CHST9: variants seen among roughly 807,000 people sequenced by gnomAD.
The protein encoded by CHST9 is GalNAc-4-sulfotransferase 2.
In CHST9, 41 loss-of-function variants were observed where a neutral mutation model predicts 44.4. The ratio of observed to expected loss-of-function variants is 0.92; its 90% CI spans 0.72 to 1.20. CHST9 has a LOEUF of 1.20. Among genes scored for constraint, CHST9 ranks in the 50% most tolerant of loss-of-function variants. CHST9 has a pLI of 0.00. For synonymous variants in CHST9, 171 were observed against 178.4 expected, an observed-to-expected ratio of 0.96 and a Z score of 0.33; for missense variants, 504 against 516.5, an observed-to-expected ratio of 0.98 and a Z score of 0.23.
chr18:27,086,761 G>A (rs1328397867), intron 2 of CHST9, among the ~76,000 whole-genome samples: 1 of 152,062 alleles, frequency 6.6e-6, no homozygotes, highest in East Asian at 1.9e-4. Flanking sequence ...TGGAGAAAGT[G>A]AGTATACTAT....
intron 3 of CHST9, among the ~76,000 whole-genome samples, chr18:27,043,618 C>T (rs1431344958): frequency 6.6e-6 from 1 of 151,956 alleles, no homozygotes; most frequent in African/African-American, 2.4e-5. Context: ...GTAAAGACAC[C>T]TCAGACCTTC....
rs754353567 is a variant in CHST9, at chr18:26,915,246, A to G, written c.*1013T>C. 1.3e-4 allele frequency: 45 copies of G among 338,994 alleles called. No homozygotes were observed. Among genetic ancestry groups the G allele is most frequent in the Non-Finnish European group, 2.2e-4 (41 of 190,164 alleles). 21.0% of individuals were successfully genotyped at this position (338,994 alleles called of 1,614,324 possible). Reference sequence around the variant, plus strand: ...ACATAACCTATCTTTGAAGTGGTATATTAGTTTTTAAAAAGTCATTCCTAA... The same window carrying G: ...ACATAACCTATCTTTGAAGTGGTATGTTAGTTTTTAAAAAGTCATTCCTAA... On this transcript the variant is annotated 3_prime_UTR_variant, in exon 6 of 6. Coordinates refer to ENST00000618847, the MANE Select transcript of CHST9 (RefSeq NM_031422.6).
chr18:27,063,970 C>A (rs1400657211), intron 2 of CHST9, among the ~76,000 whole-genome samples: 7 of 151,944 alleles, frequency 4.6e-5, no homozygotes, highest in Admixed American at 4.6e-4. Context: ...AAGCCAATCC[C>A]AAATGTGCAC....
At chr18:26,969,368 C>CTGTGTGTGTGTGTGTGTGTG (rs1435153900) in intron 4 of CHST9, among the ~76,000 whole-genome samples, 9 of 94,016 alleles carry the variant, frequency 9.6e-5, no homozygotes, top group Admixed American at 5.0e-4. Context: ...GATTCTCTCT[C>CTGTGTGTGTGTGTGTGTGTG]TCTCTCTCTG....
At chr18:27,040,135 A>C (rs2057429453) in intron 3 of CHST9, among the ~76,000 whole-genome samples, 1 of 152,160 alleles carries the variant, frequency 6.6e-6, no homozygotes, top group South Asian at 2.1e-4. Flanking sequence ...AAGGTGTGTA[A>C]GGAAATGAAG....
chr18:27,056,213 G>A (rs1458134956), intron 2 of CHST9, among the ~76,000 whole-genome samples: 1 of 151,996 alleles, frequency 6.6e-6, no homozygotes, highest in African/African-American at 2.4e-5. Context: ...TATTTATTTA[G>A]TACCTACTAT....
At chr18:26,993,573 T>C (rs942110287) in intron 4 of CHST9, among the ~76,000 whole-genome samples, 1 of 151,960 alleles carries the variant, frequency 6.6e-6, no homozygotes, top group Non-Finnish European at 1.5e-5. Context: ...TTAAGATAAA[T>C]GAGGAAACAA....
intron 4 of CHST9, among the ~76,000 whole-genome samples, chr18:26,955,753 G>A (rs1216704378): frequency 2.0e-5 from 3 of 152,096 alleles, no homozygotes. Flanking sequence ...TGCTTTGGAG[G>A]GACTTGGGTA....
At chr18:27,183,072 C>T (rs76682992) in intron 1 of CHST9, among the ~76,000 whole-genome samples, 2 of 151,460 alleles carry the variant, frequency 1.3e-5, no homozygotes, top group African/African-American at 4.9e-5. Flanking sequence ...TCAGGAGGGC[C>T]CTGCAGCTGC....
At chr18:26,985,020 G>T (rs974756934) in intron 4 of CHST9, among the ~76,000 whole-genome samples, 4 of 152,138 alleles carry the variant, frequency 2.6e-5, no homozygotes, top group Non-Finnish European at 4.4e-5. Flanking sequence ...ACCAGAAAGA[G>T]ATGCATGCAC....
chr18:26,963,831 G>A (rs1297863031), intron 4 of CHST9, among the ~76,000 whole-genome samples: 1 of 152,090 alleles, frequency 6.6e-6, no homozygotes, highest in Admixed American at 6.5e-5. Flanking sequence ...TACCTCTTGA[G>A]GTTTTCATGA....
intron 2 of CHST9, among the ~76,000 whole-genome samples, chr18:27,115,689 T>C (rs964795540): frequency 2.0e-5 from 3 of 152,130 alleles, no homozygotes; most frequent in African/African-American, 7.2e-5. Flanking sequence ...TTTTAATATT[T>C]TTTTGTAGAG....
intron 2 of CHST9, among the ~76,000 whole-genome samples, chr18:27,137,095 G>A (rs1406757203): frequency 2.0e-5 from 3 of 151,938 alleles, no homozygotes; most frequent in Non-Finnish European, 4.4e-5. Flanking sequence ...AAATAGGAAA[G>A]GATACAGACA....
rs11876391 is a variant in CHST9 at position 27,012,064 on chromosome 18, G to A, written c.202+12052C>T. On this transcript the variant is annotated intron_variant, in intron 4 of 5. Coordinates refer to ENST00000618847, the MANE Select transcript of CHST9 (RefSeq NM_031422.6). ...ACATGATACTGGGGAAAGGGGAGGC[G>A]TGCATCTGCCCAGACTCTGATGCCA... 9.3e-3 allele frequency among the ~76,000 whole-genome samples: 1,418 copies of A among 152,274 alleles called. 21 individuals carry two copies. The highest frequency in any genetic ancestry group is 0.033 in the African/African-American group (1,355 of 41,546).
intron 4 of CHST9, among the ~76,000 whole-genome samples, chr18:26,963,437 T>C (rs2056425481): frequency 6.6e-6 from 1 of 152,062 alleles, no homozygotes; most frequent in South Asian, 2.1e-4. Context: ...ACTGAGCCGT[T>C]GGGTCTATTT....
At chr18:27,125,374 T>C (rs2058411588) in intron 2 of CHST9, among the ~76,000 whole-genome samples, 1 of 152,232 alleles carries the variant, frequency 6.6e-6, no homozygotes. Flanking sequence ...ATATGGTACG[T>C]AATAAACATT....
intron 2 of CHST9, among the ~76,000 whole-genome samples, chr18:27,082,508 C>T (rs2057970486): frequency 6.6e-6 from 1 of 152,122 alleles, no homozygotes; most frequent in African/African-American, 2.4e-5. Flanking sequence ...GGGCTTCTCC[C>T]ATCCTCAGTG....
intron 4 of CHST9, among the ~76,000 whole-genome samples, chr18:27,013,889 A>G (rs541412942): frequency 2.0e-5 from 3 of 152,164 alleles, no homozygotes; most frequent in Non-Finnish European, 4.4e-5. Flanking sequence ...TTGATTGCCA[A>G]CTCTTTCTTT....
intron 4 of CHST9, among the ~76,000 whole-genome samples, chr18:27,015,473 C>T (rs897345911): frequency 2.0e-5 from 3 of 151,966 alleles, no homozygotes; most frequent in African/African-American, 7.3e-5. Context: ...TGACTTTGAA[C>T]TCTGCACCCA....
Sources: gnomAD v4.1 joint callset for allele counts (sites outside exome capture counted in the v4.1 genomes callset) on GRCh38, gnomAD v4.1.1 for gene constraint, MANE v1.5 for transcripts, NCBI Gene and HGNC (gene_info 2026-07-23, HGNC 2026-07-21) for gene names.